DRC9: variants seen among roughly 807,000 people sequenced by gnomAD.
The protein encoded by DRC9 is dynein regulatory complex subunit 9.
the DRC9 span, chr3:197,953,443 A>G: frequency 8.8e-6 from 4 of 456,642 alleles, no homozygotes; most frequent in African/African-American, 8.0e-5. Flanking sequence ...TCTCTCATTC[A>G]GTAAAAGCCC....
At chr3:197,889,374 A>C in the DRC9 span, 2 of 605,388 alleles carry the variant, frequency 3.3e-6, no homozygotes, top group Non-Finnish European at 5.9e-6. Context: ...CCCTAAGTCA[A>C]TGGTGTAATC....
the DRC9 span, chr3:197,956,822 CCTCA>C: frequency 6.6e-6 from 1 of 152,080 alleles, no homozygotes; most frequent in Non-Finnish European, 1.5e-5. Context: ...TGGAGATGGG[CCTCA>C]CTATGTTGCC....
the DRC9 span, chr3:197,950,356 A>G: frequency 1.6e-6 from 2 of 1,220,106 alleles, no homozygotes; most frequent in African/African-American, 3.1e-5. Context: ...GAAGAGGGAG[A>G]ACAGGATGGA....
chr3:197,904,906 G>A, the DRC9 span, among the ~76,000 whole-genome samples: 19 of 152,102 alleles, frequency 1.2e-4, no homozygotes, highest in East Asian at 3.3e-3. Context: ...CGTACTATTC[G>A]GCCCAGAATG....
At chr3:197,913,052 G>A in the DRC9 span, 1 of 318,854 alleles carries the variant, frequency 3.1e-6, no homozygotes, top group East Asian at 7.4e-5. Context: ...GGGGGATTCC[G>A]GAGTGCCAGG....
the DRC9 span, chr3:197,913,349 T>TGCGTGCGTGC: frequency 4.7e-4 from 89 of 188,038 alleles, no homozygotes; most frequent in African/African-American, 2.7e-3. Context: ...TGCGTGCGTG[T>TGCGTGCGTGC]GTGCGTGCGT....
the DRC9 span, among the ~76,000 whole-genome samples, chr3:197,944,695 A>G: frequency 4.6e-5 from 7 of 151,822 alleles, no homozygotes; most frequent in African/African-American, 1.5e-4. Context: ...TGATCCGCCC[A>G]CCTCGGCCTC....
the DRC9 span, among the ~76,000 whole-genome samples, chr3:197,955,430 T>A: frequency 6.6e-6 from 1 of 151,708 alleles, no homozygotes; most frequent in East Asian, 1.9e-4. Context: ...GCCCAGCTGA[T>A]TTTTGTATTT....
At chr3:197,957,239 A>G in the DRC9 span, 1 of 152,188 alleles carries the variant, frequency 6.6e-6, no homozygotes, top group African/African-American at 2.4e-5. Context: ...TCCTGTTACA[A>G]ATCTGCTAAC....
At chr3:197,901,487 G>C in the DRC9 span, among the ~76,000 whole-genome samples, 1 of 152,174 alleles carries the variant, frequency 6.6e-6, no homozygotes, top group African/African-American at 2.4e-5. This position sits in a 1 kb window ranked among gnomAD's most constrained non-coding sequence, Gnocchi z 4.4. Flanking sequence ...TGGGCAAGAG[G>C]GTAGCCCACT....
At chr3:197,906,402 G>GA in the DRC9 span, 5 of 149,678 alleles carry the variant, frequency 3.3e-5, no homozygotes, top group Non-Finnish European at 5.9e-5. Context: ...TATTAAAGGA[G>GA]AAAAAATAAC....
chr3:197,898,872 G>A, the DRC9 span, among the ~76,000 whole-genome samples: 1 of 152,042 alleles, frequency 6.6e-6, no homozygotes. Context: ...TGGTGTTTTT[G>A]TAAAGATCAA....
chr3:197,913,825 G>A, the DRC9 span: 2 of 1,543,930 alleles, frequency 1.3e-6, no homozygotes, highest in South Asian at 2.2e-5. Context: ...GAGGGGATCA[G>A]GAGTGACAGC....
At chr3:197,917,923 T>C in the DRC9 span, among the ~76,000 whole-genome samples, 2 of 151,720 alleles carry the variant, frequency 1.3e-5, no homozygotes, top group African/African-American at 2.4e-5. Flanking sequence ...TTAGTAGAGA[T>C]GGGGTTTCAC....
At chr3:197,935,631 C>A in the DRC9 span, among the ~76,000 whole-genome samples, 1 of 151,928 alleles carries the variant, frequency 6.6e-6, no homozygotes, top group South Asian at 2.1e-4. Flanking sequence ...GACTAAAGCA[C>A]GCCACCACGC....
chr3:197,923,279 C>T, the DRC9 span, among the ~76,000 whole-genome samples: 1 of 152,128 alleles, frequency 6.6e-6, no homozygotes, highest in African/African-American at 2.4e-5. Context: ...CTACCACATC[C>T]AGATAATTTT....
the DRC9 span, among the ~76,000 whole-genome samples, chr3:197,914,695 AAC>A: frequency 6.6e-6 from 1 of 152,174 alleles, no homozygotes; most frequent in Non-Finnish European, 1.5e-5. Flanking sequence ...AAAAGAGACA[AAC>A]ACATGTGTAA....
chr3:197,945,237 G>C, the DRC9 span, among the ~76,000 whole-genome samples: 1 of 151,926 alleles, frequency 6.6e-6, no homozygotes, highest in African/African-American at 2.4e-5. Flanking sequence ...AGCTGCCTTG[G>C]TATGAGGACA....
At chr3:197,904,065 TAC>T in the DRC9 span, among the ~76,000 whole-genome samples, 74 of 43,678 alleles carry the variant, frequency 1.7e-3, no homozygotes, top group African/African-American at 4.5e-3. Flanking sequence ...TATATATATA[TAC>T]ATACATATAT....
Sources: gnomAD v4.1 joint callset for allele counts (sites outside exome capture counted in the v4.1 genomes callset) on GRCh38, gnomAD v4.1.1 for gene constraint, Gnocchi (gnomAD v3.1) non-coding constraint, MANE v1.5 for transcripts, NCBI Gene and HGNC (gene_info 2026-07-23, HGNC 2026-07-21) for gene names.